CRELD2: variants seen among roughly 807,000 people sequenced by gnomAD.
CRELD2 encodes the protein CRELD disulfide isomerase 2, also known as protein disulfide isomerase CRELD2.
CRELD2 carries 33 observed loss-of-function variants against 48.1 expected under a neutral mutation model. That is an observed-to-expected ratio of 0.69 (90% CI 0.52 to 0.92). The LOEUF (loss-of-function observed/expected upper bound fraction) is 0.92. Among genes scored for constraint, CRELD2 ranks in the 40% least tolerant of loss-of-function variants. The probability of loss-of-function intolerance (pLI) is 0.00; values close to 1 mark genes in which losing one functional copy is unlikely to be tolerated. For missense variants in CRELD2, 477 were observed against 482.4 expected (o/e 0.99, Z 0.10); for synonymous variants, 220 against 203.9 (o/e 1.08, Z -0.67).
At chr22:49,919,645 T>C (rs923079646) in intron 2 of CRELD2, 85 bp from the exon 3 acceptor site, 3 of 1,014,726 alleles carry the variant, frequency 3.0e-6, no homozygotes, top group African/African-American at 3.3e-5. Flanking sequence ...CCCCGGCCCC[T>C]GCACCCAGGT....
intron 5 of CRELD2, 163 bp from the exon 6 acceptor site, chr22:49,922,449 T>TA: frequency 6.3e-7 from 1 of 1,578,186 alleles, no homozygotes; most frequent in Admixed American, 1.8e-5. Context: ...TCCAGGTTAT[T>TA]AAAAATTCCT....
chr22:49,921,887 C>T (rs780178629), intron 5 of CRELD2, 126 bp downstream of exon 5: 21 of 976,376 alleles, frequency 2.2e-5, no homozygotes, highest in African/African-American at 6.6e-5. Context: ...AAGGAAGCTT[C>T]GAGGGCCCAG....
chr22:49,924,577 C>T, intron 8 of CRELD2, 122 bp downstream of exon 8: 2 of 650,176 alleles, frequency 3.1e-6, no homozygotes, highest in South Asian at 2.0e-5. Context: ...AGACGTGGCT[C>T]CCCCAGGGTC....
At chr22:49,922,887 G>GGC (rs2060713505) in intron 6 of CRELD2, among the ~76,000 whole-genome samples, 180 bp downstream of exon 6, 1 of 86,240 alleles carries the variant, frequency 1.2e-5, no homozygotes, top group Non-Finnish European at 2.2e-5. Flanking sequence ...GTGAGGTGTG[G>GGC]GGGAGCATGA....
intron 7 of CRELD2, chr22:49,923,598 C>T (rs939900936): frequency 2.6e-5 from 14 of 543,248 alleles, no homozygotes; most frequent in African/African-American, 7.6e-5. Flanking sequence ...ACGTGCCCTG[C>T]GTGACTTTCC....
At chr22:49,923,618 G>A (rs949488142) in intron 7 of CRELD2, 3 of 512,356 alleles carry the variant, frequency 5.9e-6, no homozygotes, top group Non-Finnish European at 3.6e-6. Context: ...CGCAGCGCCT[G>A]TCGGGTGTTT....
In CRELD2 at chr22:49,922,698, G is replaced by T; in HGVS notation, c.679G>T (p.Ala227Ser). Residue 227 changes from alanine to serine, a missense_variant, in exon 6 of 10, where the codon GCC becomes TCC. Ala to Ser is a moderately conservative substitution (Grantham distance 99, BLOSUM62 1). Transcript: ENST00000328268. ...AGTGGGCTGGGTGCTGGACGAGGGCGCCTGTGTGGGTGAGGAGCGGCCCGG... is the reference window on the plus strand; with the variant it reads ...AGTGGGCTGGGTGCTGGACGAGGGCTCCTGTGTGGGTGAGGAGCGGCCCGG... The part of the protein sequence containing the change: ...CEVGWVLDEG[A>S]CVDVDECAAE... The T allele has an allele frequency of 6.5e-7, 1 of 1,546,102 alleles. No homozygotes were observed.
chr22:49,918,645 G>A lies in CRELD2; in HGVS notation c.-125G>A, dbSNP rs375985631. Reference sequence around the variant, plus strand: ...CTGGCGGGTGGGGCGGGGCCTCGCCGGCGCCGTCAAGTAGCCTGGGGGACA... The same window carrying A: ...CTGGCGGGTGGGGCGGGGCCTCGCCAGCGCCGTCAAGTAGCCTGGGGGACA... On this transcript the variant is annotated 5_prime_UTR_variant, in exon 1 of 10. Coordinates refer to ENST00000328268, the MANE Select transcript of CRELD2 (RefSeq NM_024324.5). 53 of 355,544 alleles carry A rather than the reference G, an allele frequency of 1.5e-4. No individual in the cohort carries two copies. In the East Asian group the frequency reaches 1.8e-3, roughly 12 times the overall value. 22.0% of individuals were successfully genotyped at this position (355,544 alleles called of 1,614,324 possible). A position where few individuals can be genotyped will look rare whatever the true frequency, so the allele number is the denominator to read the frequency against.
chr22:49,923,156 G>A, intron 6 of CRELD2, 78 bp from the exon 7 acceptor site: 1 of 1,202,518 alleles, frequency 8.3e-7, no homozygotes, highest in South Asian at 1.5e-5. Flanking sequence ...CACGGGCTGT[G>A]TCAGGCCATG....
At chr22:49,924,515 A>C in intron 8 of CRELD2, 60 bp downstream of exon 8, 1 of 1,270,598 alleles carries the variant, frequency 7.9e-7, no homozygotes, top group Admixed American at 2.0e-5. Context: ...CATGATGTGA[A>C]TGGCCCCAGC....
At chr22:49,922,373 G>T (rs1259501085) in intron 5 of CRELD2, 1 of 1,611,022 alleles carries the variant, frequency 6.2e-7, no homozygotes, top group East Asian at 2.2e-5. Flanking sequence ...GCCACGCATG[G>T]ATCCGTGGCC....
chr22:49,923,213 A>C, intron 6 of CRELD2, 21 bp from the exon 7 acceptor site: 1 of 1,547,704 alleles, frequency 6.5e-7, no homozygotes, highest in Non-Finnish European at 8.7e-7. Flanking sequence ...GGCCGCTCAC[A>C]GCTGTGCCGC....
In CRELD2 at chr22:49,920,226, A is replaced by T; in HGVS notation, c.394A>T (p.Thr132Ser). 2 of 1,610,798 alleles carry T rather than the reference A, an allele frequency of 1.2e-6. No individual in the cohort carries two copies. The highest frequency in any genetic ancestry group is 1.7e-6 in the Non-Finnish European group (2 of 1,178,628). ...KTLKVCCSPG[T>S]YGPDCLACQG... ...ACTGAAAGTGTGCTGCTCTCCAGGA[A>T]CCTACGGTCCCGACTGTCTCGGTGC... Residue 132 changes from threonine to serine, a missense_variant, in exon 4 of 10, where the codon ACC becomes TCC. By Grantham distance (58) the Thr-to-Ser change is moderately conservative. Coordinates refer to ENST00000328268, the MANE Select transcript of CRELD2 (RefSeq NM_024324.5).
intron 5 of CRELD2, 100 bp from the exon 6 acceptor site, chr22:49,922,512 G>A (rs2060701584): frequency 6.7e-7 from 1 of 1,491,614 alleles, no homozygotes; most frequent in East Asian, 2.4e-5. Context: ...AAAATCCCGT[G>A]TTGCTTTTCC....
In CRELD2 at chr22:49,920,261, C is replaced by T; in HGVS notation, c.415+14C>T. 6.4e-7 allele frequency: 1 copy of T among 1,562,404 alleles called. No homozygotes were observed. The highest frequency in any genetic ancestry group is 1.1e-5 in the South Asian group (1 of 89,928). On this transcript the variant is annotated intron_variant, in intron 4 of 9. Coordinates refer to ENST00000328268, the MANE Select transcript of CRELD2 (RefSeq NM_024324.5). ...CCGACTGTCTCGGTGCGTTTCTCCT[C>T]AGGGAAATCCCATCTCCTACGTCAC... is the stretch of plus-strand genomic sequence containing the variant.
At position 49,920,601 on chromosome 22, in the gene CRELD2, T is replaced by A. The variant is rs567352461; in HGVS notation, c.415+354T>A. Among the ~76,000 whole-genome samples the A allele has an allele frequency of 2.6e-5, 4 of 152,304 alleles. No individual in the cohort carries two copies. The East Asian group carries it at 7.7e-4, about 29-fold the overall frequency. On this transcript the variant is annotated intron_variant, in intron 4 of 9. Transcript: ENST00000328268. Reference sequence around the variant, plus strand: ...GTGCTTCTCCCTGTGTGCACAGAGGTGACCACACCACAACTTCTGTGGCTG... The same window carrying A: ...GTGCTTCTCCCTGTGTGCACAGAGGAGACCACACCACAACTTCTGTGGCTG...
At position 49,923,314 on chromosome 22, in the gene CRELD2, G is replaced by T. The variant is rs750166335; in HGVS notation, c.769G>T (p.Glu257Ter). The part of the protein sequence containing the change: ...CKNANGSYTC[E>*]ECDSSCVGCT... ...GAACGCCAACGGCTCCTACACGTGCGAAGGTGGGCCAGGCGGGCGGGTCTG... is the reference window on the plus strand; with the variant it reads ...GAACGCCAACGGCTCCTACACGTGCTAAGGTGGGCCAGGCGGGCGGGTCTG... The change falls in exon 7 of 10, where the codon GAA (glutamate) becomes TAA (stop). Residue 257 changes from glutamate to a stop codon, truncating the protein, a stop_gained. Transcript: ENST00000328268. LOFTEE classifies it high-confidence loss of function. 6.3e-7 allele frequency: 1 copy of T among 1,596,920 alleles called. No homozygotes were observed. The highest frequency in any genetic ancestry group is 8.5e-7 in the Non-Finnish European group (1 of 1,173,192).
At chr22:49,921,859 C>CT (rs58550845) in intron 5 of CRELD2, 98 bp downstream of exon 5, 118,566 of 1,259,564 alleles carry the variant, frequency 0.094, 8,346 homozygotes, top group African/African-American at 0.31. Flanking sequence ...GCCTGTTGAT[C>CT]TTTAACCCCA....
chr22:49,919,837 A>C lies in CRELD2; in HGVS notation c.320A>C (p.Gln107Pro), dbSNP rs2060662366. 1.3e-6 allele frequency: 2 copies of C among 1,597,702 alleles called. No homozygotes were observed. Among genetic ancestry groups the C allele is most frequent in the Admixed American group, 3.4e-5 (2 of 59,148 alleles). Reference protein sequence around the residue: ...QEEHLEAWWLQLKSEYPDLFE... With the variant: ...QEEHLEAWWLPLKSEYPDLFE... ...GAGCACCTGGAGGCCTGGTGGCTGC[A>C]GCTGTGAGTGCCTTAAAACCTCTTA... The change falls in exon 3 of 10, where the codon CAG becomes CCG. Residue 107 changes from glutamine (Q) to proline (P), a missense_variant. By Grantham distance (76) the Gln-to-Pro change is moderately conservative. Transcript: ENST00000328268.
Sources: allele counts gnomAD v4.1 joint callset (sites outside exome capture counted in the v4.1 genomes callset), GRCh38; gene constraint gnomAD v4.1.1; transcripts MANE v1.5; gene names NCBI Gene and HGNC (gene_info 2026-07-23, HGNC 2026-07-21).